The following LRRC31 variants were observed in gnomAD, a reference collection of about 807,000 sequenced individuals.
LRRC31 encodes leucine rich repeat containing 31.
Under a neutral mutation model 46.7 loss-of-function variants are expected in LRRC31, and 35 were observed. That is an observed-to-expected ratio of 0.75 (90% CI 0.57 to 0.99). The LOEUF (loss-of-function observed/expected upper bound fraction) is 0.99, where lower values mean the gene tolerates loss of function less well. Among genes scored for constraint, LRRC31 ranks in the 50% least tolerant of loss-of-function variants. The probability of loss-of-function intolerance (pLI) is 0.00; values close to 1 mark genes in which losing one functional copy is unlikely to be tolerated. For missense variants in LRRC31, 613 were observed against 626.1 expected, an observed-to-expected ratio of 0.98 and a Z score of 0.22; for synonymous variants, 236 against 235.1, an observed-to-expected ratio of 1.00 and a Z score of -0.03.
rs1242344984 is a variant in LRRC31, at chr3:169,848,140, G to C, written c.1307C>G (p.Thr436Arg). 1 of 1,613,870 alleles carries C rather than the reference G, an allele frequency of 6.2e-7. No individual in the cohort carries two copies. Among genetic ancestry groups the C allele is most frequent in the South Asian group, 1.1e-5 (1 of 91,068 alleles). Residue 436 changes from threonine (T) to arginine (R), a missense_variant, in exon 8 of 9, where the codon ACA becomes AGA. By Grantham distance (71) the Thr-to-Arg change is moderately conservative. Transcript: ENST00000316428. ...CACACCCAGGAGAGCCACATCCTCTGTCACCAGGGAACAGCTGCTCAGCCT... is the reference window on the plus strand; with the variant it reads ...CACACCCAGGAGAGCCACATCCTCTCTCACCAGGGAACAGCTGCTCAGCCT... Reference protein sequence around the residue: ...VLRLSSCSLVTEDVALLASVI... With the variant: ...VLRLSSCSLVREDVALLASVI...
At position 169,848,306 on chromosome 3, in the gene LRRC31, C is replaced by T. The variant is rs773677142; in HGVS notation, c.1160-19G>A. ...GCTTCAGCTAAAAGTGATAACAATA[C>T]GAACAGCAGTAATTTAGGATTTCTT... On this transcript the variant is annotated intron_variant, in intron 7 of 8. Transcript: ENST00000316428. 21 of 1,606,960 alleles carry T rather than the reference C, an allele frequency of 1.3e-5. No individual in the cohort carries two copies. Among genetic ancestry groups the T allele is most frequent in the East Asian group, 4.5e-5 (2 of 44,734 alleles).
intron 8 of LRRC31, among the ~76,000 whole-genome samples, chr3:169,841,104 C>A (rs1451385054): frequency 6.6e-6 from 1 of 152,218 alleles, no homozygotes; most frequent in Non-Finnish European, 1.5e-5. Flanking sequence ...CTTTTCACAG[C>A]CTCTCTACTC....
intron 6 of LRRC31, chr3:169,853,429 G>A: frequency 1.0e-6 from 1 of 985,378 alleles, no homozygotes; most frequent in South Asian, 4.7e-5. Flanking sequence ...CCATGTCAGT[G>A]GCTGTGAACC....
intron 7 of LRRC31, among the ~76,000 whole-genome samples, chr3:169,851,221 T>A (rs908308891): frequency 4.6e-5 from 7 of 152,106 alleles, no homozygotes; most frequent in Admixed American, 2.6e-4. Context: ...GAGACCAGGC[T>A]GGACAACACG....
chr3:169,854,178 G>A (rs1780872606), intron 6 of LRRC31, among the ~76,000 whole-genome samples: 1 of 152,226 alleles, frequency 6.6e-6, no homozygotes, highest in Non-Finnish European at 1.5e-5. Flanking sequence ...GACCAGGGTA[G>A]TGGAGGTCTA....
chr3:169,846,217 G>A (rs1037902761), intron 8 of LRRC31, among the ~76,000 whole-genome samples: 1 of 152,276 alleles, frequency 6.6e-6, no homozygotes, highest in South Asian at 2.1e-4. Context: ...GAAAACACAA[G>A]TTTATTTCAA....
In LRRC31 at chr3:169,852,306, G is replaced by A. The variant is rs1324769491; in HGVS notation, c.992-520C>T. On this transcript the variant is annotated intron_variant, in intron 6 of 8. Transcript: ENST00000316428. The stretch of plus-strand genomic sequence containing the variant: ...TAGTTCCAGCTACTCGGGAGGCTGA[G>A]ACAGGAGAATGGCGTGAACCCGGGA... 4.0e-5 allele frequency among the ~76,000 whole-genome samples: 6 copies of A among 148,968 alleles called. No homozygotes were observed. The South Asian group carries it at 6.3e-4, about 16-fold the overall frequency.
intron 7 of LRRC31, among the ~76,000 whole-genome samples, chr3:169,849,740 A>C (rs921442347): frequency 6.6e-6 from 1 of 152,242 alleles, no homozygotes; most frequent in African/African-American, 2.4e-5. Context: ...GGGGTTAGTC[A>C]TCTAGCTACC....
chr3:169,840,293 G>A lies in LRRC31; in HGVS notation c.1348C>T (p.His450Tyr). ...TCCAGCTTTTGCAGTTTGGCCAGAT[G>A]ACCCGTCTGTATGACCGATGCTGGA... ...ALLASVIQTG[H>Y]LAKLQKLDLS... Residue 450 changes from histidine (H) to tyrosine (Y), a missense_variant, in exon 9 of 9, where the codon CAT (histidine) becomes TAT (tyrosine). By Grantham distance (83) the His-to-Tyr change is moderately conservative. Coordinates refer to ENST00000316428, the MANE Select transcript of LRRC31 (RefSeq NM_024727.4). 2 of 1,614,106 alleles carry A rather than the reference G, an allele frequency of 1.2e-6. No homozygotes were observed. Among genetic ancestry groups the A allele is most frequent in the Non-Finnish European group, 1.7e-6 (2 of 1,180,008 alleles).
At position 169,858,774 on chromosome 3, in the gene LRRC31, C is replaced by T. The variant is rs112845622; in HGVS notation, c.487+1787G>A. ...ATCCTAGCACTTTGGGAGGCCAAGG[C>T]GGGCAGATCACTTGAAGTCAGGAGT... On this transcript the variant is annotated intron_variant, in intron 3 of 8. Coordinates refer to ENST00000316428, the MANE Select transcript of LRRC31 (RefSeq NM_024727.4). Among the ~76,000 whole-genome samples the T allele has an allele frequency of 3.9e-5, 6 of 152,098 alleles. No individual in the cohort carries two copies. The South Asian group carries it at 6.2e-4, about 16-fold the overall frequency.
rs911134634 is a variant in LRRC31, at chr3:169,853,162, T to C, written c.992-1376A>G. 1.5e-5 allele frequency: 14 copies of C among 952,048 alleles called. No individual in the cohort carries two copies. The African/African-American group carries it at 2.5e-4, about 17-fold the overall frequency. The allele number at this position is 952,048 out of a possible 1,614,324, so 59.0% of individuals were successfully genotyped here. A position where few individuals can be genotyped will look rare whatever the true frequency, so the allele number is the denominator to read the frequency against. On this transcript the variant is annotated intron_variant, in intron 6 of 8. Transcript: ENST00000316428. ...TTGCCATACCGAAGCTCCCTGAGAG[T>C]TGGGATTTTCTGTAGCCCCTGGCAC... is the stretch of plus-strand genomic sequence containing the variant.
At chr3:169,843,383 G>A (rs1780509100) in intron 8 of LRRC31, among the ~76,000 whole-genome samples, 1 of 152,212 alleles carries the variant, frequency 6.6e-6, no homozygotes, top group Non-Finnish European at 1.5e-5. Context: ...TTTATTCCTA[G>A]AGCCTTCAGA....
intron 6 of LRRC31, among the ~76,000 whole-genome samples, chr3:169,852,025 G>T (rs1035045083): frequency 2.6e-5 from 4 of 151,976 alleles, no homozygotes; most frequent in African/African-American, 9.7e-5. Flanking sequence ...GTAGATCTTG[G>T]ATCTGCTACT....
At chr3:169,861,383 A>G (rs1027692931) in intron 2 of LRRC31, among the ~76,000 whole-genome samples, 2 of 144,340 alleles carry the variant, frequency 1.4e-5, no homozygotes, top group Non-Finnish European at 3.0e-5. Context: ...TTAAAAAAAA[A>G]AGAAAAAAGA....
At chr3:169,845,585 A>G (rs1208176327) in intron 8 of LRRC31, among the ~76,000 whole-genome samples, 2 of 152,250 alleles carry the variant, frequency 1.3e-5, no homozygotes, top group South Asian at 2.1e-4. Flanking sequence ...TCACAAAAAT[A>G]TAAAGGCAAA....
At chr3:169,866,541 C>T (rs9290377) in intron 1 of LRRC31, among the ~76,000 whole-genome samples, 26,329 of 152,158 alleles carry the variant, frequency 0.17, 3,721 homozygotes, top group African/African-American at 0.4. Context: ...TAAAGACAGA[C>T]TTTAATTTCC....
chr3:169,840,189 G>A lies in LRRC31; in HGVS notation c.1452C>T (p.Ile484=), dbSNP rs370169535. The part of the protein sequence containing the change: ...CQNVRFLKEL[I]ELDISLRPSN... ...ATGGTCGAAGGCTAATATCCAGCTC[G>A]ATTAGCTCTTTGAGGAACCGCACGT... Residue 484 remains isoleucine, a synonymous_variant, in exon 9 of 9, where the codon ATC becomes ATT. Coordinates refer to ENST00000316428, the MANE Select transcript of LRRC31 (RefSeq NM_024727.4). 24 of 1,613,970 alleles carry A rather than the reference G, an allele frequency of 1.5e-5. No homozygotes were observed. Among genetic ancestry groups the A allele is most frequent in the East Asian group, 4.5e-5 (2 of 44,896 alleles).
At chr3:169,867,055 G>T (rs867616147) in intron 1 of LRRC31, among the ~76,000 whole-genome samples, 11,617 of 104,716 alleles carry the variant, frequency 0.11, 1,203 homozygotes, top group African/African-American at 0.34. Context: ...TTGTTTGTTT[G>T]TTTGTTTTTT....
Position 169,856,813 on chromosome 3 carries a change from CT to C in LRRC31, c.546del (p.Val183TrpfsTer7). On this transcript the variant is annotated frameshift_variant, in exon 4 of 9. Transcript: ENST00000316428. LOFTEE classifies it high-confidence loss of function. ...LEELNLSWNSKVGGNLPLILQ... is the reference protein window; with the variant it reads ...LEELNLSWNSXVGGNLPLILQ... ...AGGATCAGAGGCAAATTTCCTCCCACTTTACTGTTCCAAGACAAATTTAGCT... is the reference window on the plus strand; with the variant it reads ...AGGATCAGAGGCAAATTTCCTCCCACTTACTGTTCCAAGACAAATTTAGCT... 2 of 1,610,050 alleles carry C rather than the reference CT, an allele frequency of 1.2e-6. No homozygotes were observed. The highest frequency in any genetic ancestry group is 1.3e-5 in the African/African-American group (1 of 74,858).
Sources: gnomAD v4.1 joint callset for allele counts (sites outside exome capture counted in the v4.1 genomes callset) on GRCh38, gnomAD v4.1.1 for gene constraint, MANE v1.5 for transcripts, NCBI Gene and HGNC (gene_info 2026-07-23, HGNC 2026-07-21) for gene names.